Variants in EYA1 observed in about 807,000 individuals in gnomAD.
EYA1 encodes the protein EYA transcriptional coactivator and phosphatase 1, also known as protein phosphatase EYA1.
A neutral mutation model predicts 82.0 loss-of-function variants in EYA1; 16 were observed. That is an observed-to-expected ratio of 0.20 (90% CI 0.13 to 0.30). The LOEUF (loss-of-function observed/expected upper bound fraction) is 0.30. Among genes scored for constraint, EYA1 ranks in the 10% least tolerant of loss-of-function variants. The probability of loss-of-function intolerance (pLI) is 1.00; values close to 1 mark genes in which losing one functional copy is unlikely to be tolerated. For synonymous variants in EYA1, 261 were observed against 264.4 expected, an observed-to-expected ratio of 0.99 and a Z score of 0.12; for missense variants, 633 against 730.7, an observed-to-expected ratio of 0.87 and a Z score of 1.54.
chr8:71,498,786 T>C (rs893030149), intron 2 of EYA1, among the ~76,000 whole-genome samples: 1 of 152,180 alleles, frequency 6.6e-6, no homozygotes, highest in African/African-American at 2.4e-5. Flanking sequence ...GGAAAGTCCT[T>C]GAGTGAGTTT....
chr8:71,484,613 C>G (rs964795741), intron 2 of EYA1, among the ~76,000 whole-genome samples: 2 of 152,234 alleles, frequency 1.3e-5, no homozygotes, highest in Admixed American at 6.5e-5. Context: ...GACTTCCCTA[C>G]CCCTGGCTGA....
At chr8:71,390,366 G>A (rs1290326738) in intron 2 of EYA1, among the ~76,000 whole-genome samples, 1 of 151,488 alleles carries the variant, frequency 6.6e-6, no homozygotes, top group Non-Finnish European at 1.5e-5. Flanking sequence ...GGCCTCAAGT[G>A]ATCCTTCTGC....
intron 2 of EYA1, among the ~76,000 whole-genome samples, chr8:71,370,592 G>C (rs938525305): frequency 6.6e-6 from 1 of 151,648 alleles, no homozygotes; most frequent in Non-Finnish European, 1.5e-5. Context: ...AGAAAAGCAG[G>C]TAATAGGAAA....
intron 11 of EYA1, among the ~76,000 whole-genome samples, chr8:71,251,491 G>A (rs1198236916): frequency 5.3e-5 from 8 of 152,174 alleles, no homozygotes; most frequent in Admixed American, 4.6e-4. Flanking sequence ...AATTGCAAAT[G>A]TCTACTTAAA....
At chr8:71,509,877 T>C (rs577946208) in intron 2 of EYA1, among the ~76,000 whole-genome samples, 1 of 152,148 alleles carries the variant, frequency 6.6e-6, no homozygotes, top group South Asian at 2.1e-4. Flanking sequence ...AAGCCAATAC[T>C]TTAAATAGTG....
chr8:71,456,367 A>G (rs1169324033), intron 2 of EYA1, among the ~76,000 whole-genome samples: 5 of 152,240 alleles, frequency 3.3e-5, no homozygotes, highest in Non-Finnish European at 7.3e-5. Context: ...ATCCCCATCA[A>G]GCTACCAATG....
chr8:71,493,948 G>A (rs1464037093), intron 2 of EYA1, among the ~76,000 whole-genome samples: 6 of 141,038 alleles, frequency 4.3e-5, no homozygotes, highest in African/African-American at 1.3e-4. Context: ...GCGTGATCCC[G>A]GGAGGCGGAG....
At chr8:71,485,494 T>A (rs1225077519) in intron 2 of EYA1, among the ~76,000 whole-genome samples, 3 of 152,030 alleles carry the variant, frequency 2.0e-5, no homozygotes, top group African/African-American at 7.2e-5. Flanking sequence ...TTCCTCTAAA[T>A]CATGTAAAAA....
chr8:71,377,700 C>T (rs1222778180), intron 2 of EYA1, among the ~76,000 whole-genome samples: 1 of 152,144 alleles, frequency 6.6e-6, no homozygotes, highest in Non-Finnish European at 1.5e-5. Context: ...TTTTCATCTT[C>T]TCAAACTTAA....
rs991684462 is a variant in EYA1 at position 71,349,034 on chromosome 8, G to A, written c.124+5748C>T. The stretch of plus-strand genomic sequence containing the variant: ...AATAACCATTATAATGAAAAGCAGA[G>A]ATGATTTCCCATCTCCATTTGATCT... On this transcript the variant is annotated intron_variant, in intron 3 of 17. Transcript: ENST00000340726. 4.6e-5 allele frequency among the ~76,000 whole-genome samples: 7 copies of A among 152,188 alleles called. No individual in the cohort carries two copies. In the South Asian group the frequency reaches 1.0e-3, roughly 22 times the overall value.
At chr8:71,467,033 A>C (rs945191077) in intron 2 of EYA1, among the ~76,000 whole-genome samples, 2 of 152,134 alleles carry the variant, frequency 1.3e-5, no homozygotes, top group African/African-American at 4.8e-5. Context: ...GTACACAGCC[A>C]TATTCTAAAC....
intron 1 of EYA1, among the ~76,000 whole-genome samples, chr8:71,357,545 C>T (rs1212776523): frequency 1.3e-5 from 2 of 152,186 alleles, no homozygotes; most frequent in African/African-American, 4.8e-5. Context: ...CTTTGATGTG[C>T]ATTTTCATTC....
At chr8:71,495,816 C>T (rs1043113249) in intron 2 of EYA1, among the ~76,000 whole-genome samples, 2 of 152,092 alleles carry the variant, frequency 1.3e-5, no homozygotes, top group Non-Finnish European at 2.9e-5. Flanking sequence ...TGAGTGGTCT[C>T]CCTGGGTGAA....
chr8:71,532,724 C>A (rs1177139821), intron 2 of EYA1, among the ~76,000 whole-genome samples: 1 of 152,088 alleles, frequency 6.6e-6, no homozygotes, highest in African/African-American at 2.4e-5. Flanking sequence ...AAGGCACAAT[C>A]CAGAATGCAC....
Position 71,199,231 on chromosome 8 carries a change from C to G in EYA1, c.*109G>C, listed in dbSNP as rs1806613407. The G allele has an allele frequency of 2.6e-6, 2 of 775,348 alleles. No individual in the cohort carries two copies. The highest frequency in any genetic ancestry group is 4.0e-5 in the Admixed American group (2 of 50,094). The allele number at this position is 775,348 out of a possible 1,614,324, so 48.0% of individuals were successfully genotyped here. Reference sequence around the variant, plus strand: ...AAGACTGACAGCAACTGCGCATCACCAGGCGGAAATTGCTAAGTTCTGGAG... The same window carrying G: ...AAGACTGACAGCAACTGCGCATCACGAGGCGGAAATTGCTAAGTTCTGGAG... On this transcript the variant is annotated 3_prime_UTR_variant, in exon 18 of 18. Coordinates refer to ENST00000340726, the MANE Select transcript of EYA1 (RefSeq NM_000503.6).
chr8:71,401,500 C>T (rs1383177458), intron 2 of EYA1, among the ~76,000 whole-genome samples: 5 of 152,184 alleles, frequency 3.3e-5, no homozygotes, highest in Non-Finnish European at 5.9e-5. Context: ...TTACAGCTTA[C>T]CTTTTCCTCT....
chr8:71,542,561 T>C (rs1465898012), intron 1 of EYA1, among the ~76,000 whole-genome samples: 39 of 152,240 alleles, frequency 2.6e-4, no homozygotes, highest in Admixed American at 2.6e-3. Context: ...CGATTTACAT[T>C]CTCTTGGGTA....
At chr8:71,254,297 G>T (rs1321460030) in intron 11 of EYA1, among the ~76,000 whole-genome samples, 2 of 130,478 alleles carry the variant, frequency 1.5e-5, no homozygotes, top group Non-Finnish European at 3.2e-5. Flanking sequence ...AACTAAGCAA[G>T]CTCCTAGATC....
At chr8:71,231,032 C>A (rs1158293296) in intron 12 of EYA1, among the ~76,000 whole-genome samples, 3 of 152,202 alleles carry the variant, frequency 2.0e-5, no homozygotes, top group Non-Finnish European at 4.4e-5. Flanking sequence ...TCAGCATCTT[C>A]CTTCCAGAGC....
Sources: allele counts gnomAD v4.1 joint callset (sites outside exome capture counted in the v4.1 genomes callset), GRCh38; gene constraint gnomAD v4.1.1; transcripts MANE v1.5; gene names NCBI Gene and HGNC (gene_info 2026-07-23, HGNC 2026-07-21).